Variants in COL27A1 observed in about 807,000 individuals in gnomAD.
COL27A1 encodes the protein collagen type XXVII alpha 1 chain.
COL27A1 carries 106 observed loss-of-function variants against 251.3 expected under a neutral mutation model. The ratio of observed to expected loss-of-function variants is 0.42; its 90% CI spans 0.36 to 0.50. The LOEUF (loss-of-function observed/expected upper bound fraction) is 0.50. COL27A1 is among the 20% of genes least tolerant of loss of function. The pLI is 0.00. For missense variants in COL27A1, 2,325 were observed against 2,522.8 expected, an observed-to-expected ratio of 0.92 and a Z score of 1.68; for synonymous variants, 1,000 against 986.3, an observed-to-expected ratio of 1.01 and a Z score of -0.26.
chr9:114,184,469 G>T (rs79874771), intron 5 of COL27A1, among the ~76,000 whole-genome samples: 1,702 of 152,318 alleles, frequency 0.011, 42 homozygotes, highest in African/African-American at 0.039. Context: ...CAGAGTGCAG[G>T]AGCACTGGCC....
At chr9:114,293,982 T>C (rs1471317435) in intron 49 of COL27A1, among the ~76,000 whole-genome samples, 1 of 151,758 alleles carries the variant, frequency 6.6e-6, no homozygotes, top group Non-Finnish European at 1.5e-5. Context: ...CTTACGCCTG[T>C]AATCCCAACA....
Position 114,300,124 on chromosome 9 carries a change from G to A in COL27A1, c.4638+1G>A. On this transcript the variant is annotated splice_donor_variant, in intron 50 of 60. Transcript: ENST00000356083. LOFTEE classifies it high-confidence loss of function. ...AATGGCAGGTCTCTTCGGACCCAAG[G>A]TATGGACTCCCACGGCTCACTGTTC... 6.2e-7 allele frequency: 1 copy of A among 1,614,034 alleles called. No homozygotes were observed. Among genetic ancestry groups the A allele is most frequent in the Non-Finnish European group, 8.5e-7 (1 of 1,179,928 alleles).
intron 6 of COL27A1, 121 bp from the exon 7 acceptor site, chr9:114,195,838 T>A: frequency 1.2e-6 from 1 of 832,418 alleles, no homozygotes; most frequent in South Asian, 1.4e-5. Flanking sequence ...GGCCTCTACT[T>A]CTCTATGAAT....
chr9:114,272,037 G>C (rs1835187499), intron 36 of COL27A1: 1 of 152,306 alleles, frequency 6.6e-6, no homozygotes, highest in Admixed American at 6.5e-5. Context: ...GCATTTGACA[G>C]CTGCTCCACA....
Position 114,252,673 on chromosome 9 carries a change from C to T in COL27A1, c.3087+27C>T, listed in dbSNP as rs766317587. 3 of 1,607,800 alleles carry T rather than the reference C, an allele frequency of 1.9e-6. No individual in the cohort carries two copies. In the Admixed American group the frequency reaches 5.0e-5, roughly 27 times the overall value. ...TAAGGAGTAAGTCTGCATCCTCTTG[C>T]CCTCTCCTGTTGCAGCCTTGAGTGA... On this transcript the variant is annotated intron_variant, in intron 26 of 60. Coordinates refer to ENST00000356083, the MANE Select transcript of COL27A1 (RefSeq NM_032888.4).
intron 3 of COL27A1, among the ~76,000 whole-genome samples, chr9:114,171,373 C>A (rs746784094): frequency 5.9e-5 from 9 of 152,208 alleles, no homozygotes; most frequent in Non-Finnish European, 1.3e-4. Flanking sequence ...CACTCTGAGG[C>A]TCTGGGACTC....
chr9:114,302,047 C>T (rs1210803137), intron 55 of COL27A1, 35 bp from the exon 56 acceptor site: 1 of 1,601,308 alleles, frequency 6.2e-7, no homozygotes, highest in Admixed American at 1.7e-5. Flanking sequence ...CACACTGTCC[C>T]TGTCATTTGA....
At chr9:114,235,312 C>T (rs373325135) in intron 16 of COL27A1, among the ~76,000 whole-genome samples, 80 of 152,310 alleles carry the variant, frequency 5.3e-4, no homozygotes, top group Middle Eastern at 3.4e-3. Flanking sequence ...ATCAGTTCTC[C>T]AGGCAAGGCC....
At chr9:114,194,546 G>A in intron 6 of COL27A1, 89 bp downstream of exon 6, 2 of 1,147,656 alleles carry the variant, frequency 1.7e-6, no homozygotes, top group Non-Finnish European at 2.6e-6. Context: ...TCCTGCCAGA[G>A]GCCATGCATG....
intron 3 of COL27A1, among the ~76,000 whole-genome samples, chr9:114,171,708 C>G (rs1849331112): frequency 1.3e-5 from 2 of 152,146 alleles, no homozygotes; most frequent in Admixed American, 6.5e-5. Flanking sequence ...TCAAGTGATC[C>G]TCCTGCCTCA....
At chr9:114,262,874 G>T in intron 28 of COL27A1, among the ~76,000 whole-genome samples, 1 of 152,142 alleles carries the variant, frequency 6.6e-6, no homozygotes, top group Non-Finnish European at 1.5e-5. Flanking sequence ...GGGAGCTCCA[G>T]GCAGCTGAGA....
intron 14 of COL27A1, among the ~76,000 whole-genome samples, chr9:114,229,649 A>C (rs1831790331): frequency 6.6e-6 from 1 of 152,236 alleles, no homozygotes; most frequent in African/African-American, 2.4e-5. Context: ...ACCACACAGC[A>C]GCCAGACACT....
intron 35 of COL27A1, among the ~76,000 whole-genome samples, chr9:114,270,326 C>T (rs966887895): frequency 1.3e-5 from 2 of 152,218 alleles, no homozygotes; most frequent in East Asian, 1.9e-4. Context: ...GTAGCATTGA[C>T]GTCTGGCTGA....
intron 57 of COL27A1, 84 bp downstream of exon 57, chr9:114,304,757 C>T (rs1828909529): frequency 2.5e-6 from 3 of 1,201,016 alleles, no homozygotes; most frequent in Non-Finnish European, 3.7e-6. Context: ...TCAGTGCCTT[C>T]CATGTGGCCT....
At chr9:114,277,205 G>A (rs1835564084) in intron 37 of COL27A1, among the ~76,000 whole-genome samples, 1 of 152,126 alleles carries the variant, frequency 6.6e-6, no homozygotes. Flanking sequence ...AGCAGGGTTT[G>A]TGTGACCCAG....
At chr9:114,265,375 G>C in intron 31 of COL27A1, 47 bp from the exon 32 acceptor site, 1 of 1,584,042 alleles carries the variant, frequency 6.3e-7, no homozygotes, top group South Asian at 1.1e-5. Flanking sequence ...AGACAGGGCA[G>C]AGAAGGCCAT....
chr9:114,171,927 C>T (rs1433042577), intron 3 of COL27A1, among the ~76,000 whole-genome samples: 1 of 152,184 alleles, frequency 6.6e-6, no homozygotes, highest in Non-Finnish European at 1.5e-5. Flanking sequence ...AGATAAAGGA[C>T]CCCGCCAAAG....
intron 24 of COL27A1, among the ~76,000 whole-genome samples, chr9:114,246,846 G>T (rs993439721): frequency 1.3e-5 from 2 of 151,766 alleles, no homozygotes; most frequent in Admixed American, 1.3e-4. Context: ...AGGCTGCCGC[G>T]GCCTGGATAT....
At chr9:114,246,637 G>A (rs1833149547) in intron 24 of COL27A1, among the ~76,000 whole-genome samples, 1 of 152,178 alleles carries the variant, frequency 6.6e-6, no homozygotes, top group African/African-American at 2.4e-5. Context: ...AAGGACTGAT[G>A]CTGGGGATGG....
Sources: allele counts gnomAD v4.1 joint callset (sites outside exome capture counted in the v4.1 genomes callset), GRCh38; gene constraint gnomAD v4.1.1; transcripts MANE v1.5; gene names NCBI Gene and HGNC (gene_info 2026-07-23, HGNC 2026-07-21).